Variants in RXRG observed in about 807,000 individuals in gnomAD.
RXRG encodes retinoic acid receptor RXR-gamma.
RXRG carries 19 observed loss-of-function variants against 49.2 expected under a neutral mutation model. That is an observed-to-expected ratio of 0.39 (90% CI 0.27 to 0.57). RXRG has a LOEUF of 0.57. Among genes scored for constraint, RXRG ranks in the 20% least tolerant of loss-of-function variants. RXRG has a pLI of 0.64. For missense variants in RXRG, 452 were observed against 592.5 expected (o/e 0.76, Z 2.46); for synonymous variants, 224 against 216.6 (o/e 1.03, Z -0.30).
intron 4 of RXRG, 45 bp downstream of exon 4, chr1:165,416,996 A>C: frequency 6.4e-7 from 1 of 1,567,534 alleles, no homozygotes; most frequent in Non-Finnish European, 8.7e-7. Flanking sequence ...TTGCCTAGGA[A>C]ATGCCTCTCT....
chr1:165,428,682 G>A (rs2101734689), intron 2 of RXRG, 37 bp downstream of exon 2: 1 of 1,551,744 alleles, frequency 6.4e-7, no homozygotes, highest in East Asian at 2.3e-5. Flanking sequence ...AACCATGTAA[G>A]ATGGCTGGAA....
chr1:165,444,997 A>G lies in RXRG; in HGVS notation c.-104T>C, dbSNP rs891680593. 7.4e-6 allele frequency: 8 copies of G among 1,082,208 alleles called. No individual in the cohort carries two copies. Among genetic ancestry groups the G allele is most frequent in the Non-Finnish European group, 1.1e-5 (8 of 701,498 alleles). 67.0% of individuals were successfully genotyped at this position (1,082,208 alleles called of 1,614,324 possible). On this transcript the variant is annotated 5_prime_UTR_variant, in exon 1 of 10. Coordinates refer to ENST00000359842, the MANE Select transcript of RXRG (RefSeq NM_006917.5). ...GCTTTCTTCAACTTGGGCTAACAAGAGTGGTCATCGCTTCCTAGCAGCCCG... is the reference window on the plus strand; with the variant it reads ...GCTTTCTTCAACTTGGGCTAACAAGGGTGGTCATCGCTTCCTAGCAGCCCG...
At position 165,411,110 on chromosome 1, in the gene RXRG, C is replaced by A; in HGVS notation, c.623-1G>T. ...CTCCTCTGTCTTTCTTCTTGCACAG[C>A]TGACATGCAGCAGGACATGCAGAGG... On this transcript the variant is annotated splice_acceptor_variant, in intron 4 of 9. Coordinates refer to ENST00000359842, the MANE Select transcript of RXRG (RefSeq NM_006917.5). LOFTEE classifies it high-confidence loss of function. 6.2e-7 allele frequency: 1 copy of A among 1,613,656 alleles called. No individual in the cohort carries two copies. Among genetic ancestry groups the A allele is most frequent in the Non-Finnish European group, 8.5e-7 (1 of 1,179,808 alleles).
intron 1 of RXRG, among the ~76,000 whole-genome samples, chr1:165,435,623 C>T (rs190175728): frequency 1.5e-4 from 23 of 152,340 alleles, no homozygotes; most frequent in African/African-American, 4.3e-4. Flanking sequence ...ACCCTATGCT[C>T]TTCACAACTT....
intron 1 of RXRG, among the ~76,000 whole-genome samples, chr1:165,434,542 C>A (rs982365105): frequency 1.3e-5 from 2 of 152,202 alleles, no homozygotes; most frequent in African/African-American, 4.8e-5. Context: ...ATTAGCAACC[C>A]TCTTCAGGTT....
chr1:165,420,741 T>G (rs925218643), intron 2 of RXRG, among the ~76,000 whole-genome samples: 1 of 152,208 alleles, frequency 6.6e-6, no homozygotes, highest in African/African-American at 2.4e-5. Flanking sequence ...GTATCTTGTG[T>G]TCACCAAAGA....
intron 6 of RXRG, 34 bp from the exon 7 acceptor site, chr1:165,409,724 C>A: frequency 7.0e-7 from 1 of 1,434,036 alleles, no homozygotes; most frequent in South Asian, 1.7e-5. Context: ...TGAGGGAAAA[C>A]AGAACACATT....
At chr1:165,410,896 T>C (rs913893232) in intron 5 of RXRG, 53 bp downstream of exon 5, 2 of 1,613,466 alleles carry the variant, frequency 1.2e-6, no homozygotes, top group Non-Finnish European at 1.7e-6. Flanking sequence ...CTTTCTCCCA[T>C]TTCCAGCCCT....
rs762742230 is a variant in RXRG, at chr1:165,410,683, G to A, written c.913+19C>T. The A allele has an allele frequency of 2.5e-6, 4 of 1,610,354 alleles. No homozygotes were observed. In the African/African-American group the frequency reaches 5.4e-5, roughly 22 times the overall value. ...ATTTCAAAATTGTCCCAGGAAAAAA[G>A]GCAGCCAATGTGCTTTACCTGCCCG... On this transcript the variant is annotated intron_variant, in intron 6 of 9. Coordinates refer to ENST00000359842, the MANE Select transcript of RXRG (RefSeq NM_006917.5).
At chr1:165,442,212 C>T (rs926709674) in intron 1 of RXRG, among the ~76,000 whole-genome samples, 4 of 152,226 alleles carry the variant, frequency 2.6e-5, no homozygotes, top group African/African-American at 9.6e-5. Context: ...CTGCTTTCCC[C>T]TGTGCCTGCT....
At chr1:165,406,973 C>T (rs938261675) in intron 8 of RXRG, 56 bp from the exon 9 acceptor site, 1 of 1,273,274 alleles carries the variant, frequency 7.9e-7, no homozygotes, top group Non-Finnish European at 1.1e-6. Context: ...AGAGGCTGTC[C>T]CCATTCTCTC....
chr1:165,413,906 C>A (rs550742353), intron 4 of RXRG, among the ~76,000 whole-genome samples: 1 of 152,302 alleles, frequency 6.6e-6, no homozygotes, highest in African/African-American at 2.4e-5. Flanking sequence ...GGTCCTGGCC[C>A]CTGATCCCAG....
intron 1 of RXRG, chr1:165,437,061 CT>C: frequency 7.7e-7 from 1 of 1,305,762 alleles, no homozygotes; most frequent in Non-Finnish European, 1.0e-6. Flanking sequence ...GACTCAAAAT[CT>C]CCTTTGCTCC....
At position 165,425,356 on chromosome 1, in the gene RXRG, C is replaced by A. The variant is rs12079442; in HGVS notation, c.297+3363G>T. ...ATTCCTTAGGTTTTTGCCTGTCCTG[C>A]CTGCTATTGTGTGATTGCCATGAGA... On this transcript the variant is annotated intron_variant, in intron 2 of 9. Transcript: ENST00000359842. Among the ~76,000 whole-genome samples the A allele has an allele frequency of 6.2e-3, 946 of 152,270 alleles. 6 individuals are homozygous for A. The highest frequency in any genetic ancestry group is 0.022 in the African/African-American group (899 of 41,548).
At chr1:165,433,307 A>AT (rs1658729035) in intron 1 of RXRG, among the ~76,000 whole-genome samples, 1 of 152,118 alleles carries the variant, frequency 6.6e-6, no homozygotes, top group East Asian at 1.9e-4. Flanking sequence ...AGTCTGAGGT[A>AT]TTTTGTAGCA....
At chr1:165,411,169 T>G in intron 4 of RXRG, 60 bp from the exon 5 acceptor site, 1 of 1,531,782 alleles carries the variant, frequency 6.5e-7, no homozygotes, top group Non-Finnish European at 8.9e-7. Context: ...GTGGGAAAGT[T>G]TATTACCCAC....
chr1:165,410,844 C>T lies in RXRG; in HGVS notation c.784-13G>A, dbSNP rs763380935. 6.5e-5 allele frequency: 105 copies of T among 1,614,062 alleles called. 1 individual carries two copies. The South Asian group carries it at 1.1e-3, about 18-fold the overall frequency. ...CAGGGTCATTTGTCTGAAAAAGGAA[C>T]AAAGTACTGTGAGGCACAGGTCCCA... On this transcript the variant is annotated splice_polypyrimidine_tract_variant and intron_variant, in intron 5 of 9. Coordinates refer to ENST00000359842, the MANE Select transcript of RXRG (RefSeq NM_006917.5).
At chr1:165,420,087 G>T (rs1328038181) in intron 2 of RXRG, 73 bp from the exon 3 acceptor site, 2 of 1,203,428 alleles carry the variant, frequency 1.7e-6, no homozygotes, top group Non-Finnish European at 2.2e-6. Context: ...GGCAATGAGG[G>T]CTTACTCAAG....
chr1:165,424,514 A>G (rs1658420325), intron 2 of RXRG, among the ~76,000 whole-genome samples: 1 of 152,250 alleles, frequency 6.6e-6, no homozygotes, highest in Admixed American at 6.5e-5. Flanking sequence ...TTGTAACCCC[A>G]CGATAAAGAA....
Sources: gnomAD v4.1 joint callset for allele counts (sites outside exome capture counted in the v4.1 genomes callset) on GRCh38, gnomAD v4.1.1 for gene constraint, MANE v1.5 for transcripts, NCBI Gene and HGNC (gene_info 2026-07-23, HGNC 2026-07-21) for gene names.